The following WWOX variants were observed in gnomAD, a reference collection of about 807,000 sequenced individuals.
WWOX encodes WW domain containing oxidoreductase.
Under a neutral mutation model 46.2 loss-of-function variants are expected in WWOX, and 69 were observed. The ratio of observed to expected loss-of-function variants is 1.49; its 90% CI spans 1.23 to 1.82. The LOEUF (loss-of-function observed/expected upper bound fraction) is 1.82. Ranked by LOEUF, WWOX falls within the 40% of genes most tolerant of loss-of-function variation. The pLI, the probability that WWOX is intolerant of heterozygous loss-of-function variation, is 0.00. For synonymous variants in WWOX, 359 were observed against 202.6 expected (o/e 1.77, Z -6.56); for missense variants, 919 against 542.6 (o/e 1.69, Z -6.89).
intron 8 of WWOX, among the ~76,000 whole-genome samples, chr16:78,844,813 A>C (rs991328276): frequency 2.0e-5 from 3 of 152,192 alleles, no homozygotes; most frequent in Non-Finnish European, 2.9e-5. Context: ...GCTGGGGCAC[A>C]GTCTAACAGT....
chr16:78,801,124 G>C (rs1056095636), intron 8 of WWOX, among the ~76,000 whole-genome samples: 1 of 151,390 alleles, frequency 6.6e-6, no homozygotes, highest in Non-Finnish European at 1.5e-5. Context: ...TGCAATCTTG[G>C]CTCACTGCAG....
At chr16:78,797,896 G>T (rs2050785915) in intron 8 of WWOX, among the ~76,000 whole-genome samples, 1 of 152,242 alleles carries the variant, frequency 6.6e-6, no homozygotes. Flanking sequence ...GCTGACATGG[G>T]AGGATTGATT....
intron 8 of WWOX, among the ~76,000 whole-genome samples, chr16:79,096,016 A>ATTTTTTTTTTTTTTTT (rs57621801): frequency 2.4e-5 from 2 of 82,008 alleles, no homozygotes; most frequent in African/African-American, 1.1e-4. Flanking sequence ...CACCCGGATA[A>ATTTTTTTTTTTTTTTT]TTTTTTTTTT....
intron 5 of WWOX, among the ~76,000 whole-genome samples, chr16:78,368,328 A>T (rs1261720416): frequency 6.6e-6 from 1 of 152,192 alleles, no homozygotes; most frequent in African/African-American, 2.4e-5. Flanking sequence ...TAACTGGAAC[A>T]TATGGCCCTT....
At chr16:79,162,657 C>A (rs2050509927) in intron 8 of WWOX, among the ~76,000 whole-genome samples, 1 of 152,200 alleles carries the variant, frequency 6.6e-6, no homozygotes, top group Non-Finnish European at 1.5e-5. Flanking sequence ...CTGCTTTCAT[C>A]CTTATGCTCT....
chr16:78,832,573 C>G (rs1292363422), intron 8 of WWOX, among the ~76,000 whole-genome samples: 4 of 152,204 alleles, frequency 2.6e-5, no homozygotes, highest in Non-Finnish European at 5.9e-5. Context: ...GCTCGCTTCA[C>G]TGGTTCGGCT....
intron 8 of WWOX, among the ~76,000 whole-genome samples, chr16:79,098,865 C>T (rs893190700): frequency 5.3e-5 from 8 of 152,162 alleles, no homozygotes; most frequent in Non-Finnish European, 1.0e-4. Context: ...AAAATTTCTA[C>T]TTCTGATAGA....
intron 8 of WWOX, among the ~76,000 whole-genome samples, chr16:78,499,163 A>G (rs568727691): frequency 5.9e-5 from 9 of 152,122 alleles, no homozygotes; most frequent in African/African-American, 1.4e-4. Flanking sequence ...ATGCACGGTG[A>G]TAGTGCGTAT....
intron 8 of WWOX, among the ~76,000 whole-genome samples, chr16:78,851,931 G>T (rs2052454228): frequency 6.6e-6 from 1 of 152,070 alleles, no homozygotes; most frequent in South Asian, 2.1e-4. Flanking sequence ...CAGCATCATT[G>T]CTAAAGCCTC....
At chr16:78,392,484 T>A (rs1357517452) in intron 6 of WWOX, among the ~76,000 whole-genome samples, 6 of 152,106 alleles carry the variant, frequency 3.9e-5, no homozygotes, top group African/African-American at 1.4e-4. Flanking sequence ...AAGTGCACAA[T>A]AAATGTCATC....
intron 8 of WWOX, among the ~76,000 whole-genome samples, chr16:78,767,741 A>G (rs1437550448): frequency 6.6e-6 from 1 of 152,158 alleles, no homozygotes; most frequent in Non-Finnish European, 1.5e-5. Flanking sequence ...TTTTACTTAA[A>G]AAAATAGAAT....
intron 8 of WWOX, among the ~76,000 whole-genome samples, chr16:78,990,467 CA>C (rs1389516462): frequency 1.3e-5 from 2 of 152,092 alleles, no homozygotes; most frequent in Non-Finnish European, 2.9e-5. Context: ...TACTAAAGGT[CA>C]ACAGCTGTGT....
At chr16:78,197,252 T>C (rs2036083394) in intron 5 of WWOX, among the ~76,000 whole-genome samples, 2 of 152,166 alleles carry the variant, frequency 1.3e-5, no homozygotes, top group Admixed American at 1.3e-4. Context: ...TTGAGGGCCA[T>C]CTGACTCCAA....
intron 8 of WWOX, among the ~76,000 whole-genome samples, chr16:78,576,283 G>A (rs546435211): frequency 6.6e-6 from 1 of 152,260 alleles, no homozygotes; most frequent in South Asian, 2.1e-4. Context: ...ATGCATCTGT[G>A]ATTTTTCAGA....
At chr16:78,548,634 C>T (rs2044104364) in intron 8 of WWOX, among the ~76,000 whole-genome samples, 1 of 152,180 alleles carries the variant, frequency 6.6e-6, no homozygotes, top group South Asian at 2.1e-4. Flanking sequence ...AATGATTTTG[C>T]CTTTCATGCA....
intron 5 of WWOX, among the ~76,000 whole-genome samples, chr16:78,216,545 CG>C (rs77913907): frequency 0.011 from 2 of 176 alleles, no homozygotes; most frequent in Admixed American, 0.071. Context: ...TTTCCCATGA[CG>C]CTAGAGGCTG....
intron 8 of WWOX, among the ~76,000 whole-genome samples, chr16:78,983,642 C>A (rs1471914911): frequency 6.6e-6 from 1 of 152,158 alleles, no homozygotes; most frequent in East Asian, 1.9e-4. Context: ...GGCCTTGTGA[C>A]TTCCAGCCAA....
chr16:78,173,415 A>G (rs532353541), intron 5 of WWOX, among the ~76,000 whole-genome samples: 1 of 149,846 alleles, frequency 6.7e-6, no homozygotes, highest in South Asian at 2.1e-4. Context: ...CTGCCTCCTG[A>G]GTAGCTGGGA....
chr16:78,426,589 G>C (rs1259495818), intron 7 of WWOX, among the ~76,000 whole-genome samples: 2 of 152,130 alleles, frequency 1.3e-5, no homozygotes, highest in African/African-American at 4.8e-5. Flanking sequence ...GAAATGTGTT[G>C]TCAGGCTTGC....
Sources: gnomAD v4.1 joint callset for allele counts (sites outside exome capture counted in the v4.1 genomes callset) on GRCh38, gnomAD v4.1.1 for gene constraint, MANE v1.5 for transcripts, NCBI Gene and HGNC (gene_info 2026-07-23, HGNC 2026-07-21) for gene names.